The following PPM1B variants were observed in gnomAD, a reference collection of about 807,000 sequenced individuals.
PPM1B encodes the protein protein phosphatase 1B.
A neutral mutation model predicts 43.0 loss-of-function variants in PPM1B; 22 were observed. That is an observed-to-expected ratio of 0.51 (90% CI 0.37 to 0.73). PPM1B has a LOEUF of 0.73. Ranked by LOEUF, PPM1B falls within the 30% of genes least tolerant of loss-of-function variation. The pLI is 0.00. For synonymous variants in PPM1B, 217 were observed against 197.9 expected, an observed-to-expected ratio of 1.10 and a Z score of -0.81; for missense variants, 632 against 584.2, an observed-to-expected ratio of 1.08 and a Z score of -0.84.
intron 5 of PPM1B, among the ~76,000 whole-genome samples, chr2:44,222,417 G>C (rs530765083): frequency 2.0e-5 from 3 of 152,180 alleles, no homozygotes; most frequent in Non-Finnish European, 4.4e-5. Context: ...CATGCAAAAA[G>C]TTCTTCCCTT....
At chr2:44,169,863 C>T (rs528353424) in intron 1 of PPM1B, among the ~76,000 whole-genome samples, 1 of 152,294 alleles carries the variant, frequency 6.6e-6, no homozygotes, top group East Asian at 1.9e-4. Context: ...CCATCCTTTT[C>T]GGATGTCATT....
At chr2:44,207,474 T>A (rs1669242405) in intron 2 of PPM1B, among the ~76,000 whole-genome samples, 1 of 152,186 alleles carries the variant, frequency 6.6e-6, no homozygotes, top group African/African-American at 2.4e-5. Context: ...CTGCTCCTGC[T>A]CTTAGAAACT....
At chr2:44,237,374 ACTTC>A (rs1670648283), downstream of PPM1B, among the ~76,000 whole-genome samples, 1 of 152,192 alleles carries the variant, frequency 6.6e-6, no homozygotes, top group African/African-American at 2.4e-5. Flanking sequence ...GCCATTTCTC[ACTTC>A]CTGCTGGCTT....
At chr2:44,218,142 A>G in intron 4 of PPM1B, 64 bp downstream of exon 4, 1 of 1,215,094 alleles carries the variant, frequency 8.2e-7, no homozygotes, top group Non-Finnish European at 1.2e-6. Context: ...ATTTGGGGTA[A>G]AAAAACTTAA....
rs1464736638 is a variant in PPM1B at position 44,201,282 on chromosome 2, G to C, written c.83G>C (p.Ser28Thr). The C allele has an allele frequency of 1.2e-6, 2 of 1,614,176 alleles. No individual in the cohort carries two copies. Among genetic ancestry groups the C allele is most frequent in the Admixed American group, 3.3e-5 (2 of 60,024 alleles). ...AATGGTTTACGTTATGGCCTGAGCA[G>C]CATGCAAGGATGGAGAGTGGAAATG... is the stretch of plus-strand genomic sequence containing the variant. Reference protein sequence around the residue: ...AGNGLRYGLSSMQGWRVEMED... With the variant: ...AGNGLRYGLSTMQGWRVEMED... Residue 28 changes from serine to threonine, a missense_variant, in exon 2 of 6, where the codon AGC becomes ACC. Ser to Thr is a moderately conservative substitution (Grantham distance 58). Around this residue, in one of 3 missense-constraint regions of PPM1B, gnomAD observed 200 missense variants for 200.7 expected, o/e 1.00. Transcript: ENST00000282412. The surrounding 1 kb of genome is among the most constrained non-coding windows in gnomAD (Gnocchi z 5.4).
chr2:44,244,215 T>G lies in PPM1B; in HGVS notation n.1547-13T>G, dbSNP rs1472983229. 8 of 1,242,952 alleles carry G rather than the reference T, an allele frequency of 6.4e-6. No homozygotes were observed. The Admixed American group carries it at 8.4e-5, about 13-fold the overall frequency. The allele number at this position is 1,242,952 out of a possible 1,614,324, so 77.0% of individuals were successfully genotyped here. A position where few individuals can be genotyped will look rare whatever the true frequency, so the allele number is the denominator to read the frequency against. ...ATATATATATATATTTCAATTTCTA[T>G]CATATCCACCAGATGGCAGTCTTGG... On this transcript the variant is annotated splice_polypyrimidine_tract_variant and intron_variant and non_coding_transcript_variant, in intron 5 of 5. Transcript: ENST00000378540.
chr2:44,222,461 C>G (rs897225079), intron 5 of PPM1B, among the ~76,000 whole-genome samples: 1 of 152,148 alleles, frequency 6.6e-6, no homozygotes, highest in Non-Finnish European at 1.5e-5. Context: ...AATTAGTATG[C>G]CACTGATCAA....
intron 5 of PPM1B, 152 bp from the exon 6 acceptor site, chr2:44,230,261 A>G: frequency 1.4e-6 from 2 of 1,450,666 alleles, no homozygotes; most frequent in Non-Finnish European, 1.8e-6. Context: ...ATTAATTGAT[A>G]CAGGTAAGAA....
At chr2:44,205,090 C>T (rs1003804286) in intron 2 of PPM1B, among the ~76,000 whole-genome samples, 1 of 152,016 alleles carries the variant, frequency 6.6e-6, no homozygotes, top group Non-Finnish European at 1.5e-5. Context: ...GTAACTGCCA[C>T]GTGCATAGCT....
At chr2:44,234,193 C>G (rs922489149), downstream of PPM1B, 39 of 983,408 alleles carry the variant, frequency 4.0e-5, no homozygotes, top group Middle Eastern at 1.0e-3. Context: ...TTAACCCCTT[C>G]TGTACTCTAG....
At chr2:44,181,688 A>G (rs747748749) in intron 1 of PPM1B, among the ~76,000 whole-genome samples, 9 of 152,192 alleles carry the variant, frequency 5.9e-5, no homozygotes, top group Non-Finnish European at 1.2e-4. Context: ...TGTTACTAAT[A>G]CAAATAGGTG....
chr2:44,190,220 A>G (rs1037900721), intron 1 of PPM1B, among the ~76,000 whole-genome samples: 26 of 149,050 alleles, frequency 1.7e-4, no homozygotes, highest in African/African-American at 6.5e-4. Flanking sequence ...CAATGGCCCA[A>G]TCTCAGCTCA....
chr2:44,195,790 A>G (rs1237517055), intron 1 of PPM1B, among the ~76,000 whole-genome samples: 1 of 152,218 alleles, frequency 6.6e-6, no homozygotes, highest in Non-Finnish European at 1.5e-5. Flanking sequence ...TCTTGTAACC[A>G]ATAATGCAGC....
chr2:44,221,490 G>A (rs946796280), intron 5 of PPM1B, among the ~76,000 whole-genome samples: 7 of 152,120 alleles, frequency 4.6e-5, no homozygotes, highest in African/African-American at 1.4e-4. Context: ...GGATGATGTC[G>A]CCGGGAGCTG....
At chr2:44,219,181 C>T (rs1265716312) in intron 5 of PPM1B, 1 of 151,854 alleles carries the variant, frequency 6.6e-6, no homozygotes, top group Admixed American at 6.6e-5. Context: ...GTACTATTAC[C>T]AGGAGACAGA....
intron 5 of PPM1B, among the ~76,000 whole-genome samples, chr2:44,227,324 G>C (rs964534043): frequency 6.6e-6 from 1 of 151,978 alleles, no homozygotes; most frequent in Admixed American, 6.6e-5. Flanking sequence ...AATAAATTTT[G>C]CAATTAAATG....
chr2:44,174,673 G>A (rs1195083644), intron 1 of PPM1B, among the ~76,000 whole-genome samples: 1 of 152,232 alleles, frequency 6.6e-6, no homozygotes, highest in Non-Finnish European at 1.5e-5. Context: ...TAATTTGTAA[G>A]AGTTTGAAGG....
At chr2:44,233,688 C>A, downstream of PPM1B, 4 of 985,760 alleles carry the variant, frequency 4.1e-6, no homozygotes, top group Non-Finnish European at 4.8e-6. Flanking sequence ...TTTTCTGTAA[C>A]GTTTTCCTGA....
chr2:44,243,934 C>A (rs1042512258), intron 5 of PPM1B, among the ~76,000 whole-genome samples: 2 of 151,700 alleles, frequency 1.3e-5, no homozygotes, highest in Non-Finnish European at 2.9e-5. Context: ...TCATTGGTAT[C>A]TTTAGCCAAG....
Sources: gnomAD v4.1 joint callset for allele counts (sites outside exome capture counted in the v4.1 genomes callset) on GRCh38, gnomAD v4.1.1 for gene constraint, gnomAD v4.1.1 regional missense constraint, Gnocchi (gnomAD v3.1) non-coding constraint, MANE v1.5 for transcripts, NCBI Gene and HGNC (gene_info 2026-07-23, HGNC 2026-07-21) for gene names.